The following MAPK8 variants were observed in gnomAD, a reference collection of about 807,000 sequenced individuals.
MAPK8 encodes the protein JUN N-terminal kinase.
Under a neutral mutation model 52.9 loss-of-function variants are expected in MAPK8, and 13 were observed. The ratio of observed to expected loss-of-function variants is 0.25; its 90% confidence interval spans 0.16 to 0.39. The LOEUF (loss-of-function observed/expected upper bound fraction) is 0.39, where lower values mean the gene tolerates loss of function less well. MAPK8 is among the 10% of genes least tolerant of loss of function. The pLI, the probability that MAPK8 is intolerant of heterozygous loss-of-function variation, is 1.00. For synonymous variants in MAPK8, 191 were observed against 169.8 expected (o/e 1.12, Z -0.97); for missense variants, 300 against 519.2 (o/e 0.58, Z 4.10).
At chr10:48,310,390 A>G (rs749873577) in intron 1 of MAPK8, among the ~76,000 whole-genome samples, 1 of 152,196 alleles carries the variant, frequency 6.6e-6, no homozygotes, top group Non-Finnish European at 1.5e-5. Context: ...AATTTTCAGA[A>G]GCCAAAAAAA....
chr10:48,337,642 C>T (rs546969940), intron 1 of MAPK8, among the ~76,000 whole-genome samples: 4 of 152,178 alleles, frequency 2.6e-5, no homozygotes, highest in African/African-American at 9.6e-5. Flanking sequence ...AAATTACACA[C>T]AGAATCAACA....
At chr10:48,352,259 C>T (rs1430689239) in intron 1 of MAPK8, among the ~76,000 whole-genome samples, 1 of 151,338 alleles carries the variant, frequency 6.6e-6, no homozygotes, top group Non-Finnish European at 1.5e-5. Flanking sequence ...GGAATACTTC[C>T]TAATTCATTT....
intron 11 of MAPK8, among the ~76,000 whole-genome samples, chr10:48,431,890 T>C (rs1002905843): frequency 5.3e-5 from 8 of 152,146 alleles, no homozygotes; most frequent in African/African-American, 1.9e-4. Context: ...TAACAGACAC[T>C]AGTGGTTTAT....
At chr10:48,424,034 G>A in intron 6 of MAPK8, 54 bp from the exon 7 acceptor site, 2 of 1,428,966 alleles carry the variant, frequency 1.4e-6, no homozygotes. Flanking sequence ...ATGCTTCTTT[G>A]ATTTTAATGA....
intron 1 of MAPK8, among the ~76,000 whole-genome samples, chr10:48,389,482 G>A (rs1046848778): frequency 6.6e-6 from 1 of 152,192 alleles, no homozygotes; most frequent in African/African-American, 2.4e-5. Flanking sequence ...GCAAGCCTCT[G>A]GCTCAAGGCT....
At chr10:48,348,352 A>G (rs191801185) in intron 1 of MAPK8, among the ~76,000 whole-genome samples, 72 of 152,260 alleles carry the variant, frequency 4.7e-4, no homozygotes, top group African/African-American at 1.7e-3. Flanking sequence ...ATTCACTCTG[A>G]TGATAGTTTC....
intron 1 of MAPK8, among the ~76,000 whole-genome samples, chr10:48,355,564 CAAAAA>C (rs964050886): frequency 6.7e-6 from 1 of 149,524 alleles, no homozygotes; most frequent in East Asian, 2.0e-4. Context: ...TATATAAACT[CAAAAA>C]AGGAAATAAT....
chr10:48,410,004 G>T (rs766427894), intron 4 of MAPK8, 26 bp from the exon 5 acceptor site: 1 of 1,604,472 alleles, frequency 6.2e-7, no homozygotes, highest in Non-Finnish European at 8.5e-7. Flanking sequence ...GGACACTTTA[G>T]CTGTTCTCTT....
chr10:48,425,687 A>G (rs2043637554), intron 7 of MAPK8: 1 of 425,722 alleles, frequency 2.3e-6, no homozygotes, highest in Admixed American at 3.9e-5. Flanking sequence ...CACACAATAA[A>G]TAAGGTTAAT....
chr10:48,318,739 A>T (rs1842726528), intron 1 of MAPK8, among the ~76,000 whole-genome samples: 1 of 152,234 alleles, frequency 6.6e-6, no homozygotes, highest in African/African-American at 2.4e-5. Context: ...ATCAGCAACT[A>T]GTGAGGGGAG....
chr10:48,346,826 C>T (rs1845832634), intron 1 of MAPK8, among the ~76,000 whole-genome samples: 1 of 152,216 alleles, frequency 6.6e-6, no homozygotes, highest in South Asian at 2.1e-4. Context: ...TCTCTGTCTC[C>T]TCTCCCTCTC....
intron 11 of MAPK8, 109 bp downstream of exon 11, chr10:48,431,379 C>T (rs2044236513): frequency 1.4e-6 from 1 of 728,194 alleles, no homozygotes; most frequent in Admixed American, 2.9e-5. Flanking sequence ...CATTATTATT[C>T]CAGGCTTAAT....
At chr10:48,327,216 A>T (rs1411578447) in intron 1 of MAPK8, among the ~76,000 whole-genome samples, 1 of 152,050 alleles carries the variant, frequency 6.6e-6, no homozygotes, top group African/African-American at 2.4e-5. Context: ...TTTTGAGGGG[A>T]GTAGAGTAGA....
chr10:48,415,498 T>C (rs1295446934), intron 5 of MAPK8, among the ~76,000 whole-genome samples: 2 of 152,186 alleles, frequency 1.3e-5, no homozygotes, highest in African/African-American at 4.8e-5. Context: ...AGTTCCTTAA[T>C]TTAAAAAGGT....
chr10:48,401,598 G>A lies in MAPK8; in HGVS notation c.-49-14G>A, dbSNP rs912572323. On this transcript the variant is annotated splice_polypyrimidine_tract_variant and intron_variant, in intron 1 of 11. Coordinates refer to ENST00000374189, the MANE Select transcript of MAPK8 (RefSeq NM_001323329.2). ...GTTCATTTTGTTAACATCATGTTTT[G>A]TTGCATCTTGCAGCTTCTTGGTGAA... is the stretch of plus-strand genomic sequence containing the variant. The A allele has an allele frequency of 1.7e-5, 27 of 1,572,326 alleles. No individual in the cohort carries two copies. In the South Asian group the frequency reaches 1.9e-4, roughly 11 times the overall value.
At position 48,358,208 on chromosome 10, in the gene MAPK8, A is replaced by G. The variant is rs1040557141; in HGVS notation, c.-49-43404A>G. Among the ~76,000 whole-genome samples the G allele has an allele frequency of 3.3e-5, 5 of 152,124 alleles. 1 individual carries two copies. Among genetic ancestry groups the G allele is most frequent in the African/African-American group, 1.2e-4 (5 of 41,406 alleles). On this transcript the variant is annotated intron_variant, in intron 1 of 11. Coordinates refer to ENST00000374189, the MANE Select transcript of MAPK8 (RefSeq NM_001323329.2). ...ACTGGAATTGCTGGGTCATATGGTA[A>G]TCTATGTTTTACTTTTTGAGGTACC...
chr10:48,332,624 A>G (rs905344982), intron 1 of MAPK8, among the ~76,000 whole-genome samples: 1 of 152,186 alleles, frequency 6.6e-6, no homozygotes, highest in African/African-American at 2.4e-5. Context: ...TTCTTCCTCC[A>G]GGGAGGCTTG....
chr10:48,401,241 C>T (rs1002569613), intron 1 of MAPK8, among the ~76,000 whole-genome samples: 5 of 152,114 alleles, frequency 3.3e-5, no homozygotes, highest in Non-Finnish European at 5.9e-5. Flanking sequence ...GGTTTTTATT[C>T]TCTATAATAA....
At chr10:48,346,997 C>T (rs1234219974) in intron 1 of MAPK8, among the ~76,000 whole-genome samples, 3 of 152,158 alleles carry the variant, frequency 2.0e-5, no homozygotes, top group African/African-American at 4.8e-5. Flanking sequence ...GCCAGACATT[C>T]GGGGCCACTA....
Sources: allele counts gnomAD v4.1 joint callset (sites outside exome capture counted in the v4.1 genomes callset), GRCh38; gene constraint gnomAD v4.1.1; transcripts MANE v1.5; gene names NCBI Gene and HGNC (gene_info 2026-07-23, HGNC 2026-07-21).